HS6ST3: variants seen among roughly 807,000 people sequenced by gnomAD.
HS6ST3 encodes the protein heparan-sulfate 6-O-sulfotransferase 3.
Under a neutral mutation model 36.7 loss-of-function variants are expected in HS6ST3, and 12 were observed. The ratio of observed to expected loss-of-function variants is 0.33; its 90% CI spans 0.21 to 0.53. HS6ST3 has a LOEUF of 0.53. HS6ST3 is among the 20% of genes least tolerant of loss of function. The pLI is 0.95. For synonymous variants in HS6ST3, 240 were observed against 257.5 expected, an observed-to-expected ratio of 0.93 and a Z score of 0.65; for missense variants, 584 against 640.9, an observed-to-expected ratio of 0.91 and a Z score of 0.96.
rs559688074 is a variant in HS6ST3 at position 96,358,917 on chromosome 13, T to C, written c.707+267348T>C. Among the ~76,000 whole-genome samples the C allele has an allele frequency of 5.4e-5, 8 of 148,886 alleles. No individual in the cohort carries two copies. In the East Asian group the frequency reaches 1.6e-3, roughly 29 times the overall value. On this transcript the variant is annotated intron_variant, in intron 1 of 1. Transcript: ENST00000376705. ...CTATCTATCTATCTATCTATCTATCTAGAGAGAGATGACACAGAGAGCAAA... is the reference window on the plus strand; with the variant it reads ...CTATCTATCTATCTATCTATCTATCCAGAGAGAGATGACACAGAGAGCAAA...
At chr13:96,368,474 C>T (rs1294246392) in intron 1 of HS6ST3, among the ~76,000 whole-genome samples, 1 of 151,362 alleles carries the variant, frequency 6.6e-6, no homozygotes, top group Non-Finnish European at 1.5e-5. Flanking sequence ...TGAATCCAGA[C>T]TCTAGCCAGC....
intron 1 of HS6ST3, among the ~76,000 whole-genome samples, chr13:96,735,632 C>T (rs1019439478): frequency 2.6e-5 from 4 of 152,154 alleles, no homozygotes; most frequent in African/African-American, 9.7e-5. Context: ...TACCTTTCCT[C>T]GTATTTCCTG....
chr13:96,370,673 A>C (rs1410612572), intron 1 of HS6ST3, among the ~76,000 whole-genome samples: 1 of 152,192 alleles, frequency 6.6e-6, no homozygotes, highest in Non-Finnish European at 1.5e-5. Flanking sequence ...GCAATTTGGG[A>C]GGCTGAGGCA....
intron 1 of HS6ST3, among the ~76,000 whole-genome samples, chr13:96,306,106 CTTTTTT>C (rs5805960): frequency 0.015 from 1,903 of 130,284 alleles, 43 homozygotes; most frequent in African/African-American, 0.052. Context: ...TTTTCTTTTT[CTTTTTT>C]TTTTTTTTTT....
At chr13:96,391,079 C>A (rs1345413607) in intron 1 of HS6ST3, among the ~76,000 whole-genome samples, 1 of 152,194 alleles carries the variant, frequency 6.6e-6, no homozygotes, top group East Asian at 1.9e-4. Flanking sequence ...CTCACGTGAT[C>A]TTTTGGACTT....
chr13:96,357,086 C>G (rs901252642), intron 1 of HS6ST3, among the ~76,000 whole-genome samples: 2 of 152,212 alleles, frequency 1.3e-5, no homozygotes, highest in Admixed American at 1.3e-4. Flanking sequence ...CTTCTCTCAG[C>G]CTTCCTAGAA....
chr13:96,813,297 C>T (rs61968192), intron 1 of HS6ST3, among the ~76,000 whole-genome samples: 4,225 of 152,254 alleles, frequency 0.028, 68 homozygotes, highest in Middle Eastern at 0.027. Flanking sequence ...ATCTGCCCCA[C>T]AAAATGTTAC....
intron 1 of HS6ST3, among the ~76,000 whole-genome samples, chr13:96,453,180 TAA>T (rs56996268): frequency 5.2e-5 from 7 of 135,754 alleles, no homozygotes; most frequent in Non-Finnish European, 4.8e-5. Context: ...ATGCTCTTTT[TAA>T]AAAAAAAAAA....
chr13:96,720,849 T>G (rs950733216), intron 1 of HS6ST3, among the ~76,000 whole-genome samples: 17 of 152,204 alleles, frequency 1.1e-4, no homozygotes, highest in Admixed American at 5.9e-4. Context: ...GGAAGTCGTG[T>G]TTTATGTCTT....
chr13:96,236,979 C>A (rs891856602), intron 1 of HS6ST3, among the ~76,000 whole-genome samples: 1 of 152,176 alleles, frequency 6.6e-6, no homozygotes, highest in Non-Finnish European at 1.5e-5. Flanking sequence ...AGGAAACTTA[C>A]AATTATGGGA....
chr13:96,278,036 G>A (rs2054756821), intron 1 of HS6ST3, among the ~76,000 whole-genome samples: 2 of 152,152 alleles, frequency 1.3e-5, no homozygotes, highest in Non-Finnish European at 2.9e-5. Flanking sequence ...AATACAGGAG[G>A]TATTTTAAAG....
At chr13:96,510,252 A>G (rs1374638513) in intron 1 of HS6ST3, among the ~76,000 whole-genome samples, 1 of 152,006 alleles carries the variant, frequency 6.6e-6, no homozygotes, top group Non-Finnish European at 1.5e-5. Context: ...CAGAGACTTT[A>G]ATCAATTTTT....
intron 1 of HS6ST3, among the ~76,000 whole-genome samples, chr13:96,594,402 G>A (rs2056394303): frequency 6.6e-6 from 1 of 151,776 alleles, no homozygotes; most frequent in Non-Finnish European, 1.5e-5. Flanking sequence ...CTCTCTTGCT[G>A]TCTTCCTTTG....
chr13:96,575,393 T>C (rs1046271349), intron 1 of HS6ST3, among the ~76,000 whole-genome samples: 3 of 152,200 alleles, frequency 2.0e-5, no homozygotes, highest in Admixed American at 2.0e-4. Context: ...CTCAGAAACA[T>C]AGATGGGCAA....
At chr13:96,288,436 A>AT in intron 1 of HS6ST3, among the ~76,000 whole-genome samples, 1 of 151,942 alleles carries the variant, frequency 6.6e-6, no homozygotes, top group Non-Finnish European at 1.5e-5. Flanking sequence ...ATGCTGTAAT[A>AT]TATTAGAAAA....
At chr13:96,418,289 A>T (rs1044379540) in intron 1 of HS6ST3, among the ~76,000 whole-genome samples, 5 of 152,390 alleles carry the variant, frequency 3.3e-5, no homozygotes, top group African/African-American at 9.6e-5. Flanking sequence ...TATTTGCCAC[A>T]TTGAACATGC....
At chr13:96,394,772 A>G in intron 1 of HS6ST3, among the ~76,000 whole-genome samples, 1 of 152,184 alleles carries the variant, frequency 6.6e-6, no homozygotes, top group East Asian at 1.9e-4. Flanking sequence ...GAACGGTGTA[A>G]GAATACTGCA....
chr13:96,531,255 T>C (rs1449679270), intron 1 of HS6ST3, among the ~76,000 whole-genome samples: 1 of 152,176 alleles, frequency 6.6e-6, no homozygotes, highest in Non-Finnish European at 1.5e-5. Flanking sequence ...CTCTGAGAGA[T>C]CCAAATTCTC....
chr13:96,177,009 C>G (rs1265012401), intron 1 of HS6ST3, among the ~76,000 whole-genome samples: 3 of 152,100 alleles, frequency 2.0e-5, no homozygotes, highest in African/African-American at 4.8e-5. Flanking sequence ...GGCCAACTAG[C>G]ATATGAAAAA....
Sources: allele counts gnomAD v4.1 joint callset (sites outside exome capture counted in the v4.1 genomes callset), GRCh38; gene constraint gnomAD v4.1.1; transcripts MANE v1.5; gene names NCBI Gene and HGNC (gene_info 2026-07-23, HGNC 2026-07-21).